The following WWOX variants were observed in gnomAD, a reference collection of about 807,000 sequenced individuals.
WWOX encodes WW domain-containing oxidoreductase.
A neutral mutation model predicts 46.2 loss-of-function variants in WWOX; 69 were observed. The ratio of observed to expected loss-of-function variants is 1.49; its 90% CI spans 1.23 to 1.82. The LOEUF (loss-of-function observed/expected upper bound fraction) is 1.82. Ranked by LOEUF, WWOX falls within the 40% of genes most tolerant of loss-of-function variation. The probability of loss-of-function intolerance (pLI) is 0.00; values close to 1 mark genes in which losing one functional copy is unlikely to be tolerated. For missense variants in WWOX, 919 were observed against 542.6 expected, an observed-to-expected ratio of 1.69 and a Z score of -6.89; for synonymous variants, 359 against 202.6, an observed-to-expected ratio of 1.77 and a Z score of -6.56.
chr16:78,996,875 C>T (rs1447762899), intron 8 of WWOX, among the ~76,000 whole-genome samples: 1 of 152,230 alleles, frequency 6.6e-6, no homozygotes, highest in Non-Finnish European at 1.5e-5. Flanking sequence ...ATAAATGCTG[C>T]AGAGCTGCGT....
At chr16:78,239,393 T>C (rs1380847678) in intron 5 of WWOX, among the ~76,000 whole-genome samples, 1 of 152,148 alleles carries the variant, frequency 6.6e-6, no homozygotes, top group African/African-American at 2.4e-5. Context: ...GAGACCCTGA[T>C]GGAGAACTGG....
intron 8 of WWOX, among the ~76,000 whole-genome samples, chr16:78,470,484 A>T (rs983262809): frequency 1.3e-5 from 2 of 152,220 alleles, no homozygotes; most frequent in African/African-American, 4.8e-5. Flanking sequence ...ATGGGGAAGC[A>T]AGACCCCACT....
chr16:78,738,835 G>A (rs1181335968), intron 8 of WWOX, among the ~76,000 whole-genome samples: 1 of 152,118 alleles, frequency 6.6e-6, no homozygotes, highest in Non-Finnish European at 1.5e-5. Context: ...ATATTAAGAG[G>A]TAGGAGGTAG....
intron 8 of WWOX, among the ~76,000 whole-genome samples, chr16:78,686,653 C>A (rs1036392846): frequency 6.6e-6 from 1 of 152,084 alleles, no homozygotes; most frequent in African/African-American, 2.4e-5. Flanking sequence ...TTCGGAAGTC[C>A]TCCAGTTTGA....
At chr16:79,066,783 T>C (rs1215217638) in intron 8 of WWOX, among the ~76,000 whole-genome samples, 1 of 152,232 alleles carries the variant, frequency 6.6e-6, no homozygotes, top group African/African-American at 2.4e-5. Context: ...CCTCTGGCAA[T>C]GGTCCAGGTC....
At chr16:78,476,190 A>T (rs2084344915) in intron 8 of WWOX, among the ~76,000 whole-genome samples, 1 of 152,124 alleles carries the variant, frequency 6.6e-6, no homozygotes, top group African/African-American at 2.4e-5. Flanking sequence ...ATGGTATCTC[A>T]TTGTGGTTTT....
chr16:78,756,980 C>T lies in WWOX; in HGVS notation c.1056+324228C>T, dbSNP rs761392137. 1.0e-4 allele frequency: 73 copies of T among 702,930 alleles called. No individual in the cohort carries two copies. In the African/African-American group the frequency reaches 1.2e-3, roughly 12 times the overall value. The allele number at this position is 702,930 out of a possible 1,614,324, so 43.5% of individuals were successfully genotyped here. Reference sequence around the variant, plus strand: ...ATGTTGGGAGGATACTCAAGCATACCCGTGTAGAAGAACTGAGCCTCCTGC... The same window carrying T: ...ATGTTGGGAGGATACTCAAGCATACTCGTGTAGAAGAACTGAGCCTCCTGC... On this transcript the variant is annotated intron_variant, in intron 8 of 8. Transcript: ENST00000566780.
chr16:78,914,880 GAAAAAA>G (rs10706775), intron 8 of WWOX, among the ~76,000 whole-genome samples: 2 of 69,396 alleles, frequency 2.9e-5, no homozygotes, highest in Non-Finnish European at 5.1e-5. Context: ...CTCCGCCTCA[GAAAAAA>G]AAAAAAAAAA....
chr16:78,543,372 T>C (rs1172028597), intron 8 of WWOX, among the ~76,000 whole-genome samples: 1 of 152,098 alleles, frequency 6.6e-6, no homozygotes, highest in African/African-American at 2.4e-5. Flanking sequence ...CTGTGCACAC[T>C]ATGGATTTTT....
At chr16:78,442,863 C>T (rs905264764) in intron 8 of WWOX, among the ~76,000 whole-genome samples, 1 of 151,994 alleles carries the variant, frequency 6.6e-6, no homozygotes, top group African/African-American at 2.4e-5. Context: ...TGGCTCATGC[C>T]TGTAATCCCA....
At chr16:79,030,916 T>G (rs2047739800) in intron 8 of WWOX, among the ~76,000 whole-genome samples, 1 of 151,844 alleles carries the variant, frequency 6.6e-6, no homozygotes, top group Non-Finnish European at 1.5e-5. Context: ...GACCCCTGTC[T>G]CTACAAAAAG....
At chr16:78,490,872 C>CA in intron 8 of WWOX, among the ~76,000 whole-genome samples, 1 of 152,278 alleles carries the variant, frequency 6.6e-6, no homozygotes, top group South Asian at 2.1e-4. Context: ...TGCTCTACTG[C>CA]AAAACAGGAC....
chr16:78,642,364 T>A (rs964344287), intron 8 of WWOX, among the ~76,000 whole-genome samples: 1 of 152,202 alleles, frequency 6.6e-6, no homozygotes, highest in African/African-American at 2.4e-5. Context: ...CCTTGTTCTG[T>A]CCCTTTATGC....
chr16:78,438,099 C>T (rs2083372483), intron 8 of WWOX, among the ~76,000 whole-genome samples: 1 of 152,196 alleles, frequency 6.6e-6, no homozygotes, highest in Non-Finnish European at 1.5e-5. Flanking sequence ...AATCCTACCA[C>T]ACTTCCAAAT....
intron 8 of WWOX, among the ~76,000 whole-genome samples, chr16:79,025,196 A>G (rs2047613697): frequency 6.6e-6 from 1 of 152,154 alleles, no homozygotes; most frequent in Non-Finnish European, 1.5e-5. Context: ...TTTCAGAAAG[A>G]CAATGTCACT....
chr16:79,089,163 G>A (rs1045635078), intron 8 of WWOX, among the ~76,000 whole-genome samples: 13 of 152,156 alleles, frequency 8.5e-5, no homozygotes, highest in South Asian at 6.2e-4. Context: ...TAGCTCTGCC[G>A]TTTTATAGCT....
At chr16:78,783,273 C>A (rs1447120982) in intron 8 of WWOX, among the ~76,000 whole-genome samples, 1 of 152,222 alleles carries the variant, frequency 6.6e-6, no homozygotes. Flanking sequence ...TCCTGTTAAG[C>A]TCTCCTTACA....
chr16:78,856,933 C>T (rs1393843127), intron 8 of WWOX, among the ~76,000 whole-genome samples: 2 of 152,168 alleles, frequency 1.3e-5, no homozygotes, highest in Non-Finnish European at 2.9e-5. Context: ...CTAGGTAGAG[C>T]ATATTGCTCC....
At chr16:78,257,779 T>A (rs2038171156) in intron 5 of WWOX, among the ~76,000 whole-genome samples, 1 of 152,342 alleles carries the variant, frequency 6.6e-6, no homozygotes, top group Admixed American at 6.5e-5. Context: ...GGAAAAGTGA[T>A]TTGATAACTT....
Sources: gnomAD v4.1 joint callset for allele counts (sites outside exome capture counted in the v4.1 genomes callset) on GRCh38, gnomAD v4.1.1 for gene constraint, MANE v1.5 for transcripts, NCBI Gene and HGNC (gene_info 2026-07-23, HGNC 2026-07-21) for gene names.